The following SLC15A2 variants were observed in gnomAD, a reference collection of about 807,000 sequenced individuals.
The protein encoded by SLC15A2 is solute carrier family 15 member 2, also known as kidney H(+)/peptide cotransporter.
SLC15A2 carries 77 observed loss-of-function variants against 95.5 expected under a neutral mutation model. That is an observed-to-expected ratio of 0.81 (90% CI 0.67 to 0.97). The LOEUF (loss-of-function observed/expected upper bound fraction) is 0.97, where lower values mean the gene tolerates loss of function less well. Ranked by LOEUF, SLC15A2 falls within the 50% of genes least tolerant of loss-of-function variation. The pLI is 0.00. For synonymous variants in SLC15A2, 306 were observed against 306.9 expected (o/e 1.00, Z 0.03); for missense variants, 893 against 874.4 (o/e 1.02, Z -0.27).
chr3:121,922,197 C>T (rs759406143), intron 7 of SLC15A2, 23 bp from the exon 8 acceptor site: 1 of 1,601,624 alleles, frequency 6.2e-7, no homozygotes, highest in Admixed American at 1.7e-5. Context: ...AAGCTAAGAA[C>T]CTTGTTTGTG....
In SLC15A2 at chr3:121,922,268, G is replaced by A. The variant is rs773676082; in HGVS notation, c.746G>A (p.Gly249Glu). Reference protein sequence around the residue: ...SKIYNKPPPEGNIVAQVFKCI... With the variant: ...SKIYNKPPPEENIVAQVFKCI... Reference sequence around the variant, plus strand: ...ATATACAATAAACCACCCCCTGAAGGAAACATAGTGGCTCAAGTTTTCAAA... The same window carrying A: ...ATATACAATAAACCACCCCCTGAAGAAAACATAGTGGCTCAAGTTTTCAAA... The change falls in exon 8 of 22, where the codon GGA becomes GAA. Residue 249 changes from glycine (G) to glutamate (E), a missense_variant. Coordinates refer to ENST00000489711, the MANE Select transcript of SLC15A2 (RefSeq NM_021082.4). The A allele has an allele frequency of 1.2e-6, 2 of 1,613,850 alleles. No homozygotes were observed. The highest frequency in any genetic ancestry group is 1.7e-4 in the Middle Eastern group (1 of 6,060).
At chr3:121,910,069 A>G (rs1233396187) in intron 3 of SLC15A2, among the ~76,000 whole-genome samples, 2 of 146,400 alleles carry the variant, frequency 1.4e-5, no homozygotes, top group South Asian at 4.3e-4. Context: ...GTTCCTTTTT[A>G]TTCCCTTTCT....
Position 121,939,459 on chromosome 3 carries a change from G to A in SLC15A2, c.1872G>A (p.Met624Ile). Residue 624 changes from methionine to isoleucine, a missense_variant, in exon 20 of 22, where the codon ATG becomes ATA. Physicochemically the swap from Met to Ile is conservative, Grantham distance 10. Coordinates refer to ENST00000489711, the MANE Select transcript of SLC15A2 (RefSeq NM_021082.4). ...QYALVTAGEV[M>I]FSVTGLEFSY... ...CCCTGGTTACAGCTGGGGAGGTCAT[G>A]TTCTCTGTCACAGGTCTTGAGTTTT... The A allele has an allele frequency of 6.5e-7, 1 of 1,537,632 alleles. No homozygotes were observed.
chr3:121,896,435 CA>C lies in SLC15A2; in HGVS notation c.136del (p.Ile46LeufsTer6), dbSNP rs776705181. 3.1e-6 allele frequency: 5 copies of C among 1,614,088 alleles called. No homozygotes were observed. The highest frequency in any genetic ancestry group is 4.2e-6 in the Non-Finnish European group (5 of 1,179,940). On this transcript the variant is annotated frameshift_variant, in exon 2 of 22. Coordinates refer to ENST00000489711, the MANE Select transcript of SLC15A2 (RefSeq NM_021082.4). LOFTEE classifies it high-confidence loss of function. ...TCTGTGGCTCCAACTATCCACTGAG[CA>C]TTGCCTTCATTGTGGTGAATGAATT... ...TICGSNYPLS[I>X]AFIVVNEFCE...
Position 121,924,353 on chromosome 3 carries a change from G to A in SLC15A2, c.1005G>A (p.Gly335=), listed in dbSNP as rs777104856. The part of the protein sequence containing the change: ...LQAIRMNRNL[G]FFVLQPDQMQ... ...ATTAATTTGTTAAAATGTTTCAGGG[G>A]TTTTTTGTGCTTCAGCCGGACCAGA... Residue 335 remains glycine (G), a splice_region_variant and synonymous_variant, in exon 12 of 22, where the codon GGG becomes GGA. Coordinates refer to ENST00000489711, the MANE Select transcript of SLC15A2 (RefSeq NM_021082.4). 16 of 1,612,854 alleles carry A rather than the reference G, an allele frequency of 9.9e-6. No individual in the cohort carries two copies. Among genetic ancestry groups the A allele is most frequent in the Middle Eastern group, 3.3e-4 (2 of 6,060 alleles).
At chr3:121,935,935 A>C (rs2107610624) in intron 19 of SLC15A2, among the ~76,000 whole-genome samples, 1 of 151,900 alleles carries the variant, frequency 6.6e-6, no homozygotes. Context: ...CACTGCTTTG[A>C]ATGTGTCCCA....
chr3:121,919,020 G>A (rs879632570), intron 7 of SLC15A2, among the ~76,000 whole-genome samples: 1 of 152,110 alleles, frequency 6.6e-6, no homozygotes, highest in Non-Finnish European at 1.5e-5. Context: ...TGTTGGGTGC[G>A]GCATCTAGAC....
At position 121,896,425 on chromosome 3, in the gene SLC15A2, A is replaced by C. The variant is rs192955628; in HGVS notation, c.125A>C (p.Tyr42Ser). 1.2e-6 allele frequency: 2 copies of C among 1,614,010 alleles called. No individual in the cohort carries two copies. Among genetic ancestry groups the C allele is most frequent in the South Asian group, 2.2e-5 (2 of 91,080 alleles). ...KPSPTICGSNYPLSIAFIVVN... is the reference protein window; with the variant it reads ...KPSPTICGSNSPLSIAFIVVN... ...GAATAGACAATCTGTGGCTCCAACTATCCACTGAGCATTGCCTTCATTGTG... is the reference window on the plus strand; with the variant it reads ...GAATAGACAATCTGTGGCTCCAACTCTCCACTGAGCATTGCCTTCATTGTG... The change falls in exon 2 of 22, where the codon TAT (tyrosine) becomes TCT (serine). Residue 42 changes from tyrosine to serine, a missense_variant. Coordinates refer to ENST00000489711, the MANE Select transcript of SLC15A2 (RefSeq NM_021082.4).
chr3:121,938,462 CGTG>C (rs1710395037), intron 19 of SLC15A2, among the ~76,000 whole-genome samples: 1 of 152,256 alleles, frequency 6.6e-6, no homozygotes, highest in African/African-American at 2.4e-5. Flanking sequence ...GATATAATCT[CGTG>C]GTGCGCCGTT....
intron 3 of SLC15A2, among the ~76,000 whole-genome samples, chr3:121,910,134 T>C (rs2107581503): frequency 6.6e-6 from 1 of 152,064 alleles, no homozygotes; most frequent in East Asian, 1.9e-4. Context: ...TGTTACAAGA[T>C]CTTTTGGGAA....
rs779783545 is a variant in SLC15A2, at chr3:121,930,950, A to G, written c.1664A>G (p.Glu555Gly). 1.9e-6 allele frequency: 3 copies of G among 1,577,070 alleles called. No homozygotes were observed. Among genetic ancestry groups the G allele is most frequent in the Non-Finnish European group, 1.7e-6 (2 of 1,146,568 alleles). ...GCTTATAGAACTGTGCAAAGAGGAG[A>G]GTAAGTGCATTGCCCCTGTGGACAT... Reference protein sequence around the residue: ...VSAYRTVQRGEYPAVHCRTED... With the variant: ...VSAYRTVQRGGYPAVHCRTED... Residue 555 changes from glutamate (E) to glycine (G), a missense_variant and splice_region_variant, in exon 18 of 22, where the codon GAA becomes GGA. Transcript: ENST00000489711.
At chr3:121,916,229 A>G (rs996035577) in intron 7 of SLC15A2, among the ~76,000 whole-genome samples, 2 of 152,222 alleles carry the variant, frequency 1.3e-5, no homozygotes, top group Non-Finnish European at 2.9e-5. Context: ...AGTTGGATAA[A>G]TAGGTGAAAA....
At position 121,941,058 on chromosome 3, in the gene SLC15A2, A is replaced by AT. The variant is rs755630690; in HGVS notation, c.*59dup. ...CCAATTCCTGGCCCTGTCTTGAAGC[A>AT]TTTTTTTTCTTCTACTGGATTAGAC... On this transcript the variant is annotated 3_prime_UTR_variant, in exon 22 of 22. Transcript: ENST00000489711. The AT allele has an allele frequency of 1.6e-4, 252 of 1,536,766 alleles. No homozygotes were observed. The African/African-American group carries it at 2.4e-3, about 15-fold the overall frequency.
intron 19 of SLC15A2, among the ~76,000 whole-genome samples, chr3:121,935,344 A>G (rs1710318615): frequency 6.6e-6 from 1 of 152,180 alleles, no homozygotes; most frequent in Non-Finnish European, 1.5e-5. Context: ...GAATGGTATC[A>G]GTTCCTCCTT....
In SLC15A2 at chr3:121,927,703, T is replaced by C. The variant is rs1710148019; in HGVS notation, c.1125-55T>C. Reference sequence around the variant, plus strand: ...TTAATAATAGGCTACAGAGTTTGGATTTCATCCTTTAGAGTCTAAAGTTTA... The same window carrying C: ...TTAATAATAGGCTACAGAGTTTGGACTTCATCCTTTAGAGTCTAAAGTTTA... On this transcript the variant is annotated intron_variant, in intron 13 of 21. Coordinates refer to ENST00000489711, the MANE Select transcript of SLC15A2 (RefSeq NM_021082.4). 3 of 1,362,928 alleles carry C rather than the reference T, an allele frequency of 2.2e-6. No homozygotes were observed. In the South Asian group the frequency reaches 3.5e-5, roughly 16 times the overall value. 84.4% of individuals were successfully genotyped at this position (1,362,928 alleles called of 1,614,324 possible).
intron 11 of SLC15A2, 56 bp downstream of exon 11, chr3:121,923,322 G>A: frequency 1.3e-6 from 2 of 1,540,294 alleles, no homozygotes; most frequent in Non-Finnish European, 1.8e-6. Context: ...ATCCATATTG[G>A]GGAAAAATTA....
chr3:121,924,519 A>G, intron 12 of SLC15A2, 136 bp downstream of exon 12: 1 of 828,996 alleles, frequency 1.2e-6, no homozygotes. Context: ...CGACATGAAA[A>G]CATTCCCATT....
intron 20 of SLC15A2, 44 bp from the exon 21 acceptor site, chr3:121,940,340 C>A: frequency 6.9e-7 from 1 of 1,445,986 alleles, no homozygotes; most frequent in Non-Finnish European, 9.7e-7. Context: ...GGCATGAGGG[C>A]AGTGAAGGGG....
intron 18 of SLC15A2, 45 bp downstream of exon 18, chr3:121,930,995 G>T: frequency 7.8e-7 from 1 of 1,275,294 alleles, no homozygotes; most frequent in Non-Finnish European, 1.1e-6. Context: ...GTCAATAATT[G>T]TTTTTTAAGT....
Sources: allele counts gnomAD v4.1 joint callset (sites outside exome capture counted in the v4.1 genomes callset), GRCh38; gene constraint gnomAD v4.1.1; transcripts MANE v1.5; gene names NCBI Gene and HGNC (gene_info 2026-07-23, HGNC 2026-07-21).